KPNA5: variants seen among roughly 807,000 people sequenced by gnomAD.
KPNA5 encodes the protein karyopherin subunit alpha 5, also known as importin subunit alpha-6.
In KPNA5, 46 loss-of-function variants were observed where a neutral mutation model predicts 71.3. That is an observed-to-expected ratio of 0.65 (90% CI 0.51 to 0.83). KPNA5 has a LOEUF of 0.83. KPNA5 is among the 40% of genes least tolerant of loss of function. The pLI is 0.00. For missense variants in KPNA5, 547 were observed against 628.3 expected (o/e 0.87, Z 1.38); for synonymous variants, 207 against 201.4 (o/e 1.03, Z -0.24).
At chr6:116,713,898 T>C (rs921337242) in intron 7 of KPNA5, among the ~76,000 whole-genome samples, 4 of 152,196 alleles carry the variant, frequency 2.6e-5, no homozygotes, top group African/African-American at 9.6e-5. Context: ...AATGTCTGTT[T>C]CCATAGTGAT....
At position 116,716,270 on chromosome 6, in the gene KPNA5, C is replaced by G. The variant is rs148656526; in HGVS notation, c.708C>G (p.Ala236=). The G allele has an allele frequency of 6.3e-5, 102 of 1,613,272 alleles. No individual in the cohort carries two copies. In the African/African-American group the frequency reaches 1.0e-3, roughly 16 times the overall value. The change falls in exon 8 of 14, where the codon GCC becomes GCG. Residue 236 remains alanine, a synonymous_variant. Transcript: ENST00000368564. ...CAACAACAAGAAATGCCGTGTGGGC[C>G]CTCTCAAATTTATGTAGAGGCAAAA... ...RLTTTRNAVW[A]LSNLCRGKNP...
rs187273564 is a variant in KPNA5 at position 116,740,892 on chromosome 6, C to T, written c.*8569C>T. The T allele has an allele frequency of 2.2e-4, 34 of 151,600 alleles. No individual in the cohort carries two copies. The highest frequency in any genetic ancestry group is 7.0e-4 in the African/African-American group (29 of 41,320). The allele number at this position is 151,600 out of a possible 1,614,324, so 9.4% of individuals were successfully genotyped here. Reference sequence around the variant, plus strand: ...ATAGCTTTAGGAGATATACCTAATGCTAAATGACGAGTTAATGGGTGCAGC... The same window carrying T: ...ATAGCTTTAGGAGATATACCTAATGTTAAATGACGAGTTAATGGGTGCAGC... On this transcript the variant is annotated 3_prime_UTR_variant, in exon 14 of 14. Coordinates refer to ENST00000368564, the MANE Select transcript of KPNA5 (RefSeq NM_001366306.2).
chr6:116,700,066 C>T (rs1380330308), intron 5 of KPNA5, among the ~76,000 whole-genome samples: 2 of 152,160 alleles, frequency 1.3e-5, no homozygotes, highest in African/African-American at 4.8e-5. Flanking sequence ...AAGTTTAAGA[C>T]TTCACAAAGG....
At chr6:116,725,585 C>T (rs1022096785) in intron 10 of KPNA5, among the ~76,000 whole-genome samples, 166 bp from the exon 11 acceptor site, 4 of 152,094 alleles carry the variant, frequency 2.6e-5, no homozygotes, top group African/African-American at 7.2e-5. Flanking sequence ...CTAGGTTTAT[C>T]AATAGCAGAC....
chr6:116,715,546 C>G (rs1778854185), intron 7 of KPNA5, among the ~76,000 whole-genome samples: 1 of 152,130 alleles, frequency 6.6e-6, no homozygotes, highest in Non-Finnish European at 1.5e-5. Flanking sequence ...AAGAACTTCT[C>G]TTGTCAATAG....
intron 2 of KPNA5, among the ~76,000 whole-genome samples, chr6:116,690,302 T>A (rs931075926): frequency 6.6e-6 from 1 of 152,206 alleles, no homozygotes; most frequent in Admixed American, 6.5e-5. Flanking sequence ...TCATACATTA[T>A]AGTAGGTACT....
intron 7 of KPNA5, among the ~76,000 whole-genome samples, chr6:116,711,650 T>A (rs528127330): frequency 1.3e-5 from 2 of 152,226 alleles, no homozygotes; most frequent in Admixed American, 1.3e-4. Context: ...TTAGTTTCAT[T>A]CCATTGTTGT....
rs1463339776 is a variant in KPNA5, at chr6:116,732,074, T to TTTTATATATATATATATATA, written c.1433-61_1433-60insTTATATATATATATATATAT. ...TACTGAAATTGTAGTAACAGTTTGT[T>TTTTATATATATATATATATA]TATATATATATATATATATATATAT... is the stretch of plus-strand genomic sequence containing the variant. On this transcript the variant is annotated intron_variant, in intron 13 of 13. Transcript: ENST00000368564. 143 of 67,740 alleles carry TTTTATATATATATATATATA rather than the reference T, an allele frequency of 2.1e-3. 23 individuals are homozygous for TTTTATATATATATATATATA. The highest frequency in any genetic ancestry group is 2.8e-3 in the Non-Finnish European group (90 of 32,394). The allele number at this position is 67,740 out of a possible 1,614,324, so 4.2% of individuals were successfully genotyped here.
chr6:116,712,259 G>A (rs1212110956), intron 7 of KPNA5, among the ~76,000 whole-genome samples: 1 of 152,092 alleles, frequency 6.6e-6, no homozygotes, highest in Non-Finnish European at 1.5e-5. Context: ...ACTTCTTCCT[G>A]ATAGATTGAC....
rs186239795 is a variant in KPNA5, at chr6:116,735,307, G to C, written c.*2984G>C. On this transcript the variant is annotated 3_prime_UTR_variant, in exon 14 of 14. Transcript: ENST00000368564. Reference sequence around the variant, plus strand: ...GCCTTTATATTTTTTCTTCTTTTAAGAAGGAGCATTATGGAAAAATAAATA... The same window carrying C: ...GCCTTTATATTTTTTCTTCTTTTAACAAGGAGCATTATGGAAAAATAAATA... 6.6e-6 allele frequency: 1 copy of C among 151,822 alleles called. No homozygotes were observed. Among genetic ancestry groups the C allele is most frequent in the African/African-American group, 2.4e-5 (1 of 41,516 alleles). The allele number at this position is 151,822 out of a possible 1,614,324, so 9.4% of individuals were successfully genotyped here.
chr6:116,729,813 C>G, intron 13 of KPNA5, 72 bp downstream of exon 13: 1 of 1,007,496 alleles, frequency 9.9e-7, no homozygotes, highest in East Asian at 2.9e-5. Context: ...TTCCAGTTCC[C>G]TACAATTTTT....
intron 10 of KPNA5, among the ~76,000 whole-genome samples, chr6:116,725,351 G>A (rs1222826372): frequency 6.6e-6 from 1 of 152,168 alleles, no homozygotes; most frequent in African/African-American, 2.4e-5. Flanking sequence ...TCTACATGCT[G>A]TTTTTAATGG....
intron 7 of KPNA5, among the ~76,000 whole-genome samples, chr6:116,708,172 T>C (rs764257087): frequency 6.6e-6 from 1 of 152,244 alleles, no homozygotes; most frequent in Non-Finnish European, 1.5e-5. Flanking sequence ...CTTCGGTGTG[T>C]CCACCTTTTG....
chr6:116,732,074 T>TTTTATATATATATATA lies in KPNA5; in HGVS notation c.1433-61_1433-60insTTATATATATATATAT, dbSNP rs1463339776. ...TACTGAAATTGTAGTAACAGTTTGT[T>TTTTATATATATATATA]TATATATATATATATATATATATAT... On this transcript the variant is annotated intron_variant, in intron 13 of 13. Coordinates refer to ENST00000368564, the MANE Select transcript of KPNA5 (RefSeq NM_001366306.2). 520 of 67,694 alleles carry TTTTATATATATATATA rather than the reference T, an allele frequency of 7.7e-3. 79 individuals carry two copies. Among genetic ancestry groups the TTTTATATATATATATA allele is most frequent in the Non-Finnish European group, 0.011 (348 of 32,364 alleles). 4.2% of individuals were successfully genotyped at this position (67,694 alleles called of 1,614,324 possible).
intron 7 of KPNA5, among the ~76,000 whole-genome samples, chr6:116,705,621 G>A (rs949488873): frequency 2.0e-5 from 3 of 151,450 alleles, no homozygotes; most frequent in Non-Finnish European, 2.9e-5. Context: ...ACTACTTTAC[G>A]TATTTTTTTA....
intron 12 of KPNA5, among the ~76,000 whole-genome samples, chr6:116,728,611 T>C (rs904028239): frequency 2.0e-5 from 3 of 152,170 alleles, no homozygotes; most frequent in East Asian, 1.9e-4. Context: ...CAGTACAGTA[T>C]AGGGCAAATG....
intron 10 of KPNA5, among the ~76,000 whole-genome samples, chr6:116,725,308 AAGAT>A (rs1382325913): frequency 6.6e-6 from 1 of 152,220 alleles, no homozygotes; most frequent in African/African-American, 2.4e-5. Flanking sequence ...GAAGAAGAGT[AAGAT>A]AGTAAAAATT....
At chr6:116,695,507 G>A (rs1394967123) in intron 4 of KPNA5, among the ~76,000 whole-genome samples, 2 of 152,090 alleles carry the variant, frequency 1.3e-5, no homozygotes, top group Non-Finnish European at 2.9e-5. Flanking sequence ...TTTTGAAAAC[G>A]CCCTTAGCTC....
chr6:116,723,128 G>A (rs866051997), intron 9 of KPNA5, among the ~76,000 whole-genome samples: 5 of 152,116 alleles, frequency 3.3e-5, no homozygotes, highest in Admixed American at 2.6e-4. Flanking sequence ...GTCTGGCTGA[G>A]GTAAAAGATT....
Sources: allele counts gnomAD v4.1 joint callset (sites outside exome capture counted in the v4.1 genomes callset), GRCh38; gene constraint gnomAD v4.1.1; transcripts MANE v1.5; gene names NCBI Gene and HGNC (gene_info 2026-07-23, HGNC 2026-07-21).